MZT2B: variants seen among roughly 807,000 people sequenced by gnomAD.
The protein encoded by MZT2B is mitotic-spindle organizing protein 2B.
Under a neutral mutation model 12.1 loss-of-function variants are expected in MZT2B, and 11 were observed. That is an observed-to-expected ratio of 0.91 (90% CI 0.57 to 1.50). The LOEUF (loss-of-function observed/expected upper bound fraction) is 1.50, where lower values mean the gene tolerates loss of function less well. MZT2B is among the 40% of genes most tolerant of loss of function. MZT2B has a pLI of 0.00. For missense variants in MZT2B, 209 were observed against 227.7 expected (o/e 0.92, Z 0.53); for synonymous variants, 85 against 109.5 (o/e 0.78, Z 1.40).
intron 2 of MZT2B, chr2:130,184,774 AC>A: frequency 1.0e-6 from 1 of 985,366 alleles, no homozygotes; most frequent in Middle Eastern, 5.2e-4. Context: ...CTCAGCACTC[AC>A]TCAGGGCTCT....
the MZT2B span, among the ~76,000 whole-genome samples, chr2:130,204,704 A>AAG: frequency 5.3e-5 from 3 of 56,814 alleles, no homozygotes; most frequent in African/African-American, 1.8e-4. Context: ...AAAAAAAAAA[A>AAG]GGGGGGGTGG....
intron 2 of MZT2B, 100 bp downstream of exon 2, chr2:130,182,875 C>T: frequency 6.8e-7 from 1 of 1,465,656 alleles, no homozygotes; most frequent in Non-Finnish European, 9.0e-7. Context: ...GTGGCCAGGC[C>T]TGTCTGTCGG....
chr2:130,185,966 G>T (rs1287820222), intron 2 of MZT2B, among the ~76,000 whole-genome samples: 1 of 152,158 alleles, frequency 6.6e-6, no homozygotes, highest in African/African-American at 2.4e-5. Flanking sequence ...AACCTGAGGA[G>T]GAGGTGGAGG....
At chr2:130,188,294 ATC>A (rs1690133269) in intron 2 of MZT2B, 1 of 166,482 alleles carries the variant, frequency 6.0e-6, no homozygotes, top group Admixed American at 6.6e-5. Context: ...GCTACAGAAG[ATC>A]TGACTCTGTC....
the MZT2B span, chr2:130,198,471 C>A: frequency 2.4e-6 from 3 of 1,240,680 alleles, 1 homozygote; most frequent in Non-Finnish European, 3.3e-6. Context: ...CAGGATTGGC[C>A]TGCCGGTGCC....
At chr2:130,203,923 CG>C in the MZT2B span, among the ~76,000 whole-genome samples, 3 of 117,140 alleles carry the variant, frequency 2.6e-5, no homozygotes, top group African/African-American at 1.0e-4. Context: ...CATGCAGTTG[CG>C]AGGTCTTTCT....
At chr2:130,183,221 C>T in intron 2 of MZT2B, 1 of 272,660 alleles carries the variant, frequency 3.7e-6, no homozygotes, top group Non-Finnish European at 7.1e-6. Context: ...AAGACAGTCT[C>T]GATCTCTGTC....
At chr2:130,190,401 C>G (rs551309401) in intron 2 of MZT2B, 68 bp from the exon 3 acceptor site, 2 of 1,588,166 alleles carry the variant, frequency 1.3e-6, no homozygotes, top group South Asian at 2.2e-5. Context: ...CCAAGGACCA[C>G]GAGTACAGCA....
rs913652784 is a variant in MZT2B, at chr2:130,182,336, G to A, written c.54G>A (p.Leu18=). The A allele has an allele frequency of 4.7e-5, 72 of 1,529,088 alleles. No individual in the cohort carries two copies. The highest frequency in any genetic ancestry group is 5.6e-5 in the Non-Finnish European group (64 of 1,143,590). The allele number at this position is 1,529,088 out of a possible 1,614,324, so 94.7% of individuals were successfully genotyped here. A position where few individuals can be genotyped will look rare whatever the true frequency, so the allele number is the denominator to read the frequency against. Residue 18 remains leucine (L), a synonymous_variant, in exon 1 of 3, where the codon CTG becomes CTA. Transcript: ENST00000281871. ...CGGGGTCGGCGGCGCCCCCGGGGCT[G>A]GAGGCGGCCCGGCAGAAGCTGGCGC... ...PGPGSAAPPG[L]EAARQKLALR... is the part of the protein sequence containing the mutation.
Position 130,186,371 on chromosome 2 carries a change from C to G in MZT2B, c.319+3596C>G, listed in dbSNP as rs531994061. ...ACAGGGAAGGGGAAATAGAAAACCC[C>G]AGAAGCACAGAGGGGCAATGCTTGT... On this transcript the variant is annotated intron_variant, in intron 2 of 2. Coordinates refer to ENST00000281871, the MANE Select transcript of MZT2B (RefSeq NM_025029.5). Among the ~76,000 whole-genome samples the G allele has an allele frequency of 1.4e-4, 22 of 152,272 alleles. No individual in the cohort carries two copies. The East Asian group carries it at 4.1e-3, about 28-fold the overall frequency.
the MZT2B span, among the ~76,000 whole-genome samples, chr2:130,199,024 C>A: frequency 8.2e-6 from 1 of 121,682 alleles, no homozygotes; most frequent in Non-Finnish European, 1.8e-5. Flanking sequence ...ACCAGCCTGG[C>A]CAATATGGTG....
At chr2:130,203,864 C>T in the MZT2B span, among the ~76,000 whole-genome samples, 3 of 149,384 alleles carry the variant, frequency 2.0e-5, no homozygotes, top group South Asian at 4.4e-4. Flanking sequence ...TAGAAGACCT[C>T]GGGCAGAGGT....
At position 130,190,502 on chromosome 2, in the gene MZT2B, C is replaced by G. The variant is rs1043059; in HGVS notation, c.353C>G (p.Ala118Gly). 2 of 1,613,664 alleles carry G rather than the reference C, an allele frequency of 1.2e-6. No homozygotes were observed. Among genetic ancestry groups the G allele is most frequent in the African/African-American group, 2.7e-5 (2 of 74,934 alleles). Residue 118 changes from alanine to glycine, a missense_variant, in exon 3 of 3, where the codon GCA (alanine) becomes GGA (glycine). Physicochemically the swap from Ala to Gly is moderately conservative, Grantham distance 60 (BLOSUM62 0). Coordinates refer to ENST00000281871, the MANE Select transcript of MZT2B (RefSeq NM_025029.5). The stretch of plus-strand genomic sequence containing the variant: ...AAAGGCAGCGCTGCCCTCGGGGGAG[C>G]ATTGGCCCTGGCGGAACGCAGCAGC... ...RNKGSAALGG[A>G]LALAERSSRE...
At chr2:130,196,289 C>A in the MZT2B span, 2 of 1,614,110 alleles carry the variant, frequency 1.2e-6, no homozygotes, top group Non-Finnish European at 8.5e-7. Context: ...GGGCTGAATT[C>A]CATGTTCAAG....
intron 2 of MZT2B, chr2:130,183,896 A>G: frequency 6.5e-7 from 1 of 1,550,252 alleles, no homozygotes; most frequent in Non-Finnish European, 8.7e-7. Flanking sequence ...CGGCTGCCAC[A>G]CACTCGCCTC....
Position 130,182,346 on chromosome 2 carries a change from C to T in MZT2B, c.64C>T (p.Arg22Trp), listed in dbSNP as rs556026147. The T allele has an allele frequency of 1.1e-4, 176 of 1,533,012 alleles. No individual in the cohort carries two copies. The highest frequency in any genetic ancestry group is 7.9e-4 in the South Asian group (66 of 83,492). 95.0% of individuals were successfully genotyped at this position (1,533,012 alleles called of 1,614,324 possible). Residue 22 changes from arginine to tryptophan, a missense_variant, in exon 1 of 3, where the codon CGG (arginine) becomes TGG (tryptophan). By Grantham distance (101) the Arg-to-Trp change is moderately radical. Transcript: ENST00000281871. ...SAAPPGLEAA[R>W]QKLALRRKKV... ...GGCGCCCCCGGGGCTGGAGGCGGCC[C>T]GGCAGAAGCTGGCGCTGCGGCGGAA...
chr2:130,181,828 C>T, upstream of MZT2B: 1 of 1,543,538 alleles, frequency 6.5e-7, no homozygotes, highest in Non-Finnish European at 8.7e-7. Context: ...AATCCGCGTG[C>T]GCGTAAGCAG....
At chr2:130,201,696 C>T in the MZT2B span, among the ~76,000 whole-genome samples, 4 of 152,180 alleles carry the variant, frequency 2.6e-5, no homozygotes, top group Non-Finnish European at 5.9e-5. Context: ...AGTCCAGCCA[C>T]GCATCCTTCA....
At chr2:130,200,118 G>T in the MZT2B span, among the ~76,000 whole-genome samples, 3 of 150,878 alleles carry the variant, frequency 2.0e-5, no homozygotes, top group African/African-American at 7.3e-5. Context: ...AAGGCAGGGC[G>T]TGGTGGCTCA....
Sources: gnomAD v4.1 joint callset for allele counts (sites outside exome capture counted in the v4.1 genomes callset) on GRCh38, gnomAD v4.1.1 for gene constraint, MANE v1.5 for transcripts, NCBI Gene and HGNC (gene_info 2026-07-23, HGNC 2026-07-21) for gene names.